The following RASSF5 variants were observed in gnomAD, a reference collection of about 807,000 sequenced individuals.
The protein encoded by RASSF5 is Ras association domain family member 5.
Under a neutral mutation model 40.5 loss-of-function variants are expected in RASSF5, and 25 were observed. That is an observed-to-expected ratio of 0.62 (90% CI 0.45 to 0.86). RASSF5 has a LOEUF of 0.86. Ranked by LOEUF, RASSF5 falls within the 40% of genes least tolerant of loss-of-function variation. The pLI, the probability that RASSF5 is intolerant of heterozygous loss-of-function variation, is 0.00. For missense variants in RASSF5, 521 were observed against 572.8 expected, an observed-to-expected ratio of 0.91 and a Z score of 0.92; for synonymous variants, 246 against 252.4, an observed-to-expected ratio of 0.97 and a Z score of 0.24.
chr1:206,556,810 C>G (rs539642216), intron 2 of RASSF5, among the ~76,000 whole-genome samples: 42 of 152,234 alleles, frequency 2.8e-4, no homozygotes, highest in Non-Finnish European at 4.7e-4. Context: ...CCGGCTCCCC[C>G]ACCCAGCGAA....
intron 1 of RASSF5, among the ~76,000 whole-genome samples, chr1:206,537,362 G>A (rs782090187): frequency 1.3e-5 from 2 of 152,194 alleles, no homozygotes; most frequent in Non-Finnish European, 2.9e-5. Context: ...ATTCAGAGTA[G>A]CATCCCCACA....
intron 2 of RASSF5, among the ~76,000 whole-genome samples, chr1:206,573,182 T>A (rs1429531122): frequency 6.6e-6 from 1 of 152,214 alleles, no homozygotes; most frequent in Non-Finnish European, 1.5e-5. Context: ...GAAATCAGTC[T>A]CCGTGTGGTG....
intron 2 of RASSF5, among the ~76,000 whole-genome samples, chr1:206,562,100 G>T (rs1212141742): frequency 3.3e-5 from 5 of 152,148 alleles, no homozygotes; most frequent in African/African-American, 4.8e-5. Context: ...AGAGGGTCCT[G>T]GAGGTCAGAT....
chr1:206,564,578 G>T (rs144793481), intron 2 of RASSF5, among the ~76,000 whole-genome samples: 1 of 152,170 alleles, frequency 6.6e-6, no homozygotes, highest in South Asian at 2.1e-4. Context: ...TCCCAGCCTA[G>T]GAGCTTGAAG....
At chr1:206,568,641 A>G (rs1222025476) in intron 2 of RASSF5, among the ~76,000 whole-genome samples, 1 of 152,114 alleles carries the variant, frequency 6.6e-6, no homozygotes, top group South Asian at 2.1e-4. Context: ...GAGCCAGCAT[A>G]TGGAGGTGGA....
intron 2 of RASSF5, chr1:206,544,927 C>G (rs1667640433): frequency 6.6e-6 from 1 of 152,060 alleles, no homozygotes; most frequent in Non-Finnish European, 1.5e-5. Context: ...CCAGTCCTGC[C>G]TTGTCCCTCA....
chr1:206,578,475 A>G (rs1424510750), intron 2 of RASSF5, among the ~76,000 whole-genome samples: 1 of 152,190 alleles, frequency 6.6e-6, no homozygotes, highest in Non-Finnish European at 1.5e-5. Context: ...AATCATCGTC[A>G]TCATTCAGGG....
intron 1 of RASSF5, among the ~76,000 whole-genome samples, chr1:206,536,924 C>T (rs1558504031): frequency 1.3e-5 from 2 of 152,176 alleles, no homozygotes; most frequent in Non-Finnish European, 2.9e-5. Flanking sequence ...GCTGACCTGG[C>T]AGCTATCTGT....
chr1:206,536,679 GAAGGAAGGAA>G (rs1667421391), intron 1 of RASSF5, among the ~76,000 whole-genome samples: 1 of 152,148 alleles, frequency 6.6e-6, no homozygotes, highest in African/African-American at 2.4e-5. Context: ...GAGCTTGTTA[GAAGGAAGGAA>G]AAGCATTTCG....
chr1:206,564,864 A>G (rs1668242746), intron 2 of RASSF5, among the ~76,000 whole-genome samples: 1 of 152,140 alleles, frequency 6.6e-6, no homozygotes, highest in African/African-American at 2.4e-5. Flanking sequence ...GGAAGAAAAG[A>G]GCTGCACTGA....
At chr1:206,573,098 C>T (rs1293802962) in intron 2 of RASSF5, among the ~76,000 whole-genome samples, 1 of 152,184 alleles carries the variant, frequency 6.6e-6, no homozygotes, top group Non-Finnish European at 1.5e-5. Context: ...TTACTGTGTA[C>T]TTTGTGCTAA....
chr1:206,586,251 C>G (rs1553407619), intron 5 of RASSF5: 1 of 154,250 alleles, frequency 6.5e-6, no homozygotes, highest in Non-Finnish European at 1.4e-5. Context: ...TTGGGTCAGC[C>G]TGATGGAAGT....
chr1:206,517,342 G>A (rs1215691848), intron 1 of RASSF5, among the ~76,000 whole-genome samples: 1 of 152,096 alleles, frequency 6.6e-6, no homozygotes, highest in Non-Finnish European at 1.5e-5. Context: ...GGGTGTGGTG[G>A]TGCCCACCTG....
intron 2 of RASSF5, among the ~76,000 whole-genome samples, chr1:206,581,905 G>A (rs1240642801): frequency 1.3e-5 from 2 of 152,044 alleles, no homozygotes; most frequent in East Asian, 3.9e-4. Flanking sequence ...TGTGTTCCGC[G>A]GGGTGGTGAT....
rs988320210 is a variant in RASSF5 at position 206,588,560 on chromosome 1, C to T, written c.*1582C>T. On this transcript the variant is annotated 3_prime_UTR_variant, in exon 6 of 6. Coordinates refer to ENST00000579436, the MANE Select transcript of RASSF5 (RefSeq NM_182663.4). Reference sequence around the variant, plus strand: ...CTGCCTTCCCAAGTCCCTCTTGGGTCGGTTCAAGCCCAAGCTTGTTCGTGT... The same window carrying T: ...CTGCCTTCCCAAGTCCCTCTTGGGTTGGTTCAAGCCCAAGCTTGTTCGTGT... The T allele has an allele frequency of 1.3e-5, 2 of 152,338 alleles. No homozygotes were observed. The highest frequency in any genetic ancestry group is 6.5e-5 in the Admixed American group (1 of 15,274). 9.4% of individuals were successfully genotyped at this position (152,338 alleles called of 1,614,324 possible). A position where few individuals can be genotyped will look rare whatever the true frequency, so the allele number is the denominator to read the frequency against.
intron 2 of RASSF5, among the ~76,000 whole-genome samples, chr1:206,541,383 C>T (rs1404203409): frequency 1.3e-5 from 2 of 152,172 alleles, no homozygotes; most frequent in African/African-American, 4.8e-5. Flanking sequence ...TGTCTTGTCT[C>T]TGCCATGCCA....
intron 2 of RASSF5, among the ~76,000 whole-genome samples, chr1:206,567,149 A>G (rs1438920587): frequency 1.3e-5 from 2 of 152,192 alleles, no homozygotes; most frequent in African/African-American, 4.8e-5. Context: ...GTGATTGTTC[A>G]GCTGTTTGCG....
At position 206,579,232 on chromosome 1, in the gene RASSF5, G is replaced by A. The variant is rs958767532; in HGVS notation, c.580-4037G>A. Among the ~76,000 whole-genome samples the A allele has an allele frequency of 9.2e-5, 14 of 152,188 alleles. No homozygotes were observed. The highest frequency in any genetic ancestry group is 3.1e-4 in the African/African-American group (13 of 41,440). On this transcript the variant is annotated intron_variant, in intron 2 of 5. Transcript: ENST00000579436. This position sits in a 1 kb window ranked among gnomAD's most constrained non-coding sequence, Gnocchi z 4.2. ...TGCCACCAATGCCAGGGGCTTAATC[G>A]GAATAGATGAATTCCATGCCAGATG...
intron 2 of RASSF5, among the ~76,000 whole-genome samples, chr1:206,563,550 A>ACCAC (rs1668205851): frequency 6.6e-6 from 1 of 152,080 alleles, no homozygotes; most frequent in South Asian, 2.1e-4. Flanking sequence ...GGTGGCCTCA[A>ACCAC]CCACCTGCAC....
Sources: gnomAD v4.1 joint callset for allele counts (sites outside exome capture counted in the v4.1 genomes callset) on GRCh38, gnomAD v4.1.1 for gene constraint, Gnocchi (gnomAD v3.1) non-coding constraint, MANE v1.5 for transcripts, NCBI Gene and HGNC (gene_info 2026-07-23, HGNC 2026-07-21) for gene names.